EEA1: variants seen among roughly 807,000 people sequenced by gnomAD.
EEA1 encodes early endosome antigen 1, 162kD.
EEA1 carries 111 observed loss-of-function variants against 209.2 expected under a neutral mutation model. The observed-to-expected ratio is 0.53, with a 90% CI of 0.45 to 0.62. EEA1 has a LOEUF of 0.62. Among genes scored for constraint, EEA1 ranks in the 20% least tolerant of loss-of-function variants. The pLI, the probability that EEA1 is intolerant of heterozygous loss-of-function variation, is 0.00. For missense variants in EEA1, 1,343 were observed against 1,530.8 expected (o/e 0.88, Z 2.05); for synonymous variants, 536 against 540.6 (o/e 0.99, Z 0.12).
In EEA1 at chr12:92,788,049, T is replaced by C; in HGVS notation, c.2968A>G (p.Thr990Ala). The C allele has an allele frequency of 6.3e-7, 1 of 1,585,578 alleles. No individual in the cohort carries two copies. Residue 990 changes from threonine (T) to alanine (A), a missense_variant and splice_region_variant, in exon 22 of 29, where the codon ACA (threonine) becomes GCA (alanine). By Grantham distance (58) the Thr-to-Ala change is moderately conservative (BLOSUM62 0). Around this residue, in one of 3 missense-constraint regions of EEA1, gnomAD observed 1,307 missense variants for 1,465.5 expected, o/e 0.89. Coordinates refer to ENST00000322349, the MANE Select transcript of EEA1 (RefSeq NM_003566.4). The part of the protein sequence containing the change: ...GELKIAVLQK[T>A]ELENKLQQQL... Reference sequence around the variant, plus strand: ...TGCTGTAGTTTATTCTCAAGCTCTGTCTGAAACATACAATAGTTATTTAAA... The same window carrying C: ...TGCTGTAGTTTATTCTCAAGCTCTGCCTGAAACATACAATAGTTATTTAAA...
Position 92,813,030 on chromosome 12 carries a change from G to C in EEA1, c.1993C>G (p.Leu665Val). 6.2e-7 allele frequency: 1 copy of C among 1,601,426 alleles called. No homozygotes were observed. Among genetic ancestry groups the C allele is most frequent in the Non-Finnish European group, 8.5e-7 (1 of 1,171,258 alleles). Residue 665 changes from leucine to valine, a missense_variant, in exon 16 of 29, where the codon CTT (leucine) becomes GTT (valine). Around this residue, in one of 3 missense-constraint regions of EEA1, gnomAD observed 1,307 missense variants for 1,465.5 expected, o/e 0.89. Transcript: ENST00000322349. Reference sequence around the variant, plus strand: ...TGAGCTGTGTCCAAATGATTCTGAAGATCAGCTCTTTGAGCAGTTTTTGCT... The same window carrying C: ...TGAGCTGTGTCCAAATGATTCTGAACATCAGCTCTTTGAGCAGTTTTTGCT... ...EAAKTAQRADLQNHLDTAQNA... is the reference protein window; with the variant it reads ...EAAKTAQRADVQNHLDTAQNA...
chr12:92,805,897 T>G (rs947629597), intron 18 of EEA1, among the ~76,000 whole-genome samples: 1 of 152,190 alleles, frequency 6.6e-6, no homozygotes, highest in Non-Finnish European at 1.5e-5. Context: ...AGAGCTGCCA[T>G]GAATCCATTG....
Position 92,832,593 on chromosome 12 carries a change from T to C in EEA1, c.1173A>G (p.Leu391=). 4.3e-6 allele frequency: 7 copies of C among 1,614,088 alleles called. No homozygotes were observed. The highest frequency in any genetic ancestry group is 5.9e-6 in the Non-Finnish European group (7 of 1,179,986). The change falls in exon 11 of 29, where the codon CTA becomes CTG. Residue 391 remains leucine (L), a synonymous_variant. Transcript: ENST00000322349. ...LSEVETKYQH[L]KAEFKQLQQQ... is the part of the protein sequence containing the mutation. ...GTTGTAGCTGCTTAAACTCCGCCTT[T>C]AGATGCTGGTACTTGGTCTCTACCT...
intron 1 of EEA1, among the ~76,000 whole-genome samples, chr12:92,912,345 G>A (rs995498402): frequency 6.6e-6 from 1 of 151,994 alleles, no homozygotes; most frequent in African/African-American, 2.4e-5. Flanking sequence ...TAAACTCTGG[G>A]CTGGCCATGA....
intron 23 of EEA1, among the ~76,000 whole-genome samples, chr12:92,780,652 G>A (rs1873864609): frequency 1.3e-5 from 2 of 152,150 alleles, no homozygotes; most frequent in South Asian, 4.1e-4. Flanking sequence ...ATTGTACCTG[G>A]TCAGAGTAAT....
At position 92,827,967 on chromosome 12, in the gene EEA1, T is replaced by C; in HGVS notation, c.1349A>G (p.Asp450Gly). 6.2e-7 allele frequency: 1 copy of C among 1,603,776 alleles called. No homozygotes were observed. The highest frequency in any genetic ancestry group is 8.5e-7 in the Non-Finnish European group (1 of 1,176,078). Reference sequence around the variant, plus strand: ...TAAATCAGCCACTTGTTGTTCTTTATCCATCAACTTTTCACTTGAAAGCTG... The same window carrying C: ...TAAATCAGCCACTTGTTGTTCTTTACCCATCAACTTTTCACTTGAAAGCTG... Reference protein sequence around the residue: ...QRQLSSEKLMDKEQQVADLQL... With the variant: ...QRQLSSEKLMGKEQQVADLQL... The change falls in exon 12 of 29, where the codon GAT (aspartate) becomes GGT (glycine). Residue 450 changes from aspartate (D) to glycine (G), a missense_variant. Asp to Gly is a moderately conservative substitution (Grantham distance 94, BLOSUM62 -1). This residue lies in a region of EEA1 where 1,307 missense variants were observed against 1,465.5 expected (regional missense o/e 0.89). Transcript: ENST00000322349.
At chr12:92,902,129 C>A (rs1048488396) in intron 1 of EEA1, among the ~76,000 whole-genome samples, 2 of 152,050 alleles carry the variant, frequency 1.3e-5, no homozygotes, top group Non-Finnish European at 2.9e-5. Flanking sequence ...AGGAAGTCAA[C>A]GCTGCAGTGA....
Position 92,816,228 on chromosome 12 carries a change from T to G in EEA1, c.1901A>C (p.Lys634Thr). 1 of 1,613,866 alleles carries G rather than the reference T, an allele frequency of 6.2e-7. No individual in the cohort carries two copies. Among genetic ancestry groups the G allele is most frequent in the African/African-American group, 1.3e-5 (1 of 75,038 alleles). The change falls in exon 15 of 29, where the codon AAG (lysine) becomes ACG (threonine). Residue 634 changes from lysine to threonine, a missense_variant. Lys to Thr is a moderately conservative substitution (Grantham distance 78, BLOSUM62 -1). Around this residue, in one of 3 missense-constraint regions of EEA1, gnomAD observed 1,307 missense variants for 1,465.5 expected, o/e 0.89. Coordinates refer to ENST00000322349, the MANE Select transcript of EEA1 (RefSeq NM_003566.4). The stretch of plus-strand genomic sequence containing the variant: ...TATGTCAAGCTGGGAGACCTTCTCC[T>G]TGCTTTCATTTAATTGACTATTTAA... ...NELNSQLNES[K>T]EKVSQLDIQI...
chr12:92,801,162 T>C (rs1874890960), intron 20 of EEA1, among the ~76,000 whole-genome samples: 2 of 152,076 alleles, frequency 1.3e-5, no homozygotes, highest in Non-Finnish European at 2.9e-5. Context: ...AAGTATACAT[T>C]AGTATGTGTA....
chr12:92,829,783 AAAAAAAAAAAAAAC>A (rs1876525248), intron 11 of EEA1, among the ~76,000 whole-genome samples: 1 of 133,004 alleles, frequency 7.5e-6, no homozygotes, highest in African/African-American at 2.7e-5. Context: ...TGTCTTAAAA[AAAAAAAAAAAAAAC>A]AAAAAACAAG....
At chr12:92,896,602 A>G (rs1879896210) in intron 1 of EEA1, among the ~76,000 whole-genome samples, 1 of 152,000 alleles carries the variant, frequency 6.6e-6, no homozygotes, top group South Asian at 2.1e-4. Flanking sequence ...AAATGCCACA[A>G]CTCCAGCCTG....
At chr12:92,802,083 A>G (rs1284802990) in intron 19 of EEA1, among the ~76,000 whole-genome samples, 2 of 152,088 alleles carry the variant, frequency 1.3e-5, no homozygotes, top group African/African-American at 2.4e-5. Context: ...AAATTAAGAA[A>G]TGATCACAAT....
chr12:92,819,489 C>A lies in EEA1; in HGVS notation c.1547G>T (p.Arg516Leu). 6.2e-7 allele frequency: 1 copy of A among 1,603,432 alleles called. No individual in the cohort carries two copies. Among genetic ancestry groups the A allele is most frequent in the South Asian group, 1.1e-5 (1 of 88,112 alleles). ...EAQNDLEQVL[R>L]QIGDKDQKIQ... ...CTTTTGGTCCTTATCGCCAATTTGA[C>A]GTAGAACTTGTTCCAAATCATTCTG... Residue 516 changes from arginine (R) to leucine (L), a missense_variant, in exon 14 of 29, where the codon CGT (arginine) becomes CTT (leucine). By Grantham distance (102) the Arg-to-Leu change is moderately radical (BLOSUM62 -2). Transcript: ENST00000322349.
chr12:92,880,295 A>G lies in EEA1; in HGVS notation c.117+11334T>C, dbSNP rs900495590. 2.4e-4 allele frequency among the ~76,000 whole-genome samples: 37 copies of G among 152,192 alleles called. 1 individual carries two copies. Among genetic ancestry groups the G allele is most frequent in the Admixed American group, 2.4e-3 (37 of 15,272 alleles). On this transcript the variant is annotated intron_variant, in intron 2 of 28. Transcript: ENST00000322349. The stretch of plus-strand genomic sequence containing the variant: ...GGAGTCTCACAATTCAATAATAAAA[A>G]GACAATCCAATGTTTTTGTTTTTTT...
chr12:92,826,714 C>CAAAAAAAAAAA (rs1210921584), intron 12 of EEA1, among the ~76,000 whole-genome samples: 1 of 57,132 alleles, frequency 1.8e-5, no homozygotes, highest in Non-Finnish European at 3.7e-5. Context: ...GACTCCGTCT[C>CAAAAAAAAAAA]AAAAAAAAAA....
chr12:92,845,872 G>A (rs886688569), intron 9 of EEA1, among the ~76,000 whole-genome samples: 7 of 152,094 alleles, frequency 4.6e-5, no homozygotes, highest in African/African-American at 7.2e-5. Context: ...CTAAAGGAAT[G>A]AGTAATTATA....
In EEA1 at chr12:92,782,981, C is replaced by T. The variant is rs146391565; in HGVS notation, c.3151-846G>A. On this transcript the variant is annotated intron_variant, in intron 22 of 28. Transcript: ENST00000322349. ...CCGGGGAGGGCACGGAAGCTCTGTG[C>T]CCCTTCCCCCATATCACCCAACACA... is the stretch of plus-strand genomic sequence containing the variant. Among the ~76,000 whole-genome samples, 79 of 152,330 alleles carry T rather than the reference C, an allele frequency of 5.2e-4. 1 individual carries two copies. The East Asian group carries it at 0.014, about 27-fold the overall frequency.
intron 1 of EEA1, among the ~76,000 whole-genome samples, chr12:92,928,545 G>A (rs1157558794): frequency 6.6e-6 from 1 of 152,204 alleles, no homozygotes; most frequent in African/African-American, 2.4e-5. Context: ...CCTCCACTGT[G>A]GTCCAAAGGA....
intron 1 of EEA1, among the ~76,000 whole-genome samples, chr12:92,914,653 C>T (rs1880699213): frequency 6.6e-6 from 1 of 151,630 alleles, no homozygotes; most frequent in Non-Finnish European, 1.5e-5. Flanking sequence ...ATAACAAGAC[C>T]TTGTCTCTAC....
Sources: gnomAD v4.1 joint callset for allele counts (sites outside exome capture counted in the v4.1 genomes callset) on GRCh38, gnomAD v4.1.1 for gene constraint, gnomAD v4.1.1 regional missense constraint, MANE v1.5 for transcripts, NCBI Gene and HGNC (gene_info 2026-07-23, HGNC 2026-07-21) for gene names.